Variants in DAB1 observed in about 807,000 individuals in gnomAD.
The protein encoded by DAB1 is DAB adaptor protein 1.
In DAB1, 15 loss-of-function variants were observed where a neutral mutation model predicts 64.6. The ratio of observed to expected loss-of-function variants is 0.23; its 90% CI spans 0.16 to 0.36. The LOEUF (loss-of-function observed/expected upper bound fraction) is 0.36, where lower values mean the gene tolerates loss of function less well. Ranked by LOEUF, DAB1 falls within the 10% of genes least tolerant of loss-of-function variation. DAB1 has a pLI of 1.00. For synonymous variants in DAB1, 235 were observed against 251.9 expected (o/e 0.93, Z 0.64); for missense variants, 596 against 706.7 (o/e 0.84, Z 1.78).
intron 2 of DAB1, among the ~76,000 whole-genome samples, chr1:57,165,635 C>T (rs1426648848): frequency 6.6e-6 from 1 of 152,156 alleles, no homozygotes; most frequent in Non-Finnish European, 1.5e-5. Flanking sequence ...AAAATTTCAA[C>T]TGCCCTAAGA....
At chr1:57,895,774 T>C (rs1051200305) in intron 5 of DAB1, among the ~76,000 whole-genome samples, 6 of 152,170 alleles carry the variant, frequency 3.9e-5, no homozygotes, top group African/African-American at 1.4e-4. Flanking sequence ...AGAAAGGTAC[T>C]GAGTTCCAAA....
At chr1:57,967,707 G>A (rs1320612587) in intron 5 of DAB1, among the ~76,000 whole-genome samples, 3 of 151,600 alleles carry the variant, frequency 2.0e-5, no homozygotes, top group African/African-American at 4.8e-5. Context: ...GGGGGGTTGT[G>A]AGGACGAAAC....
chr1:57,967,027 A>T (rs1355014043), intron 5 of DAB1, among the ~76,000 whole-genome samples: 1 of 152,238 alleles, frequency 6.6e-6, no homozygotes, highest in African/African-American at 2.4e-5. Flanking sequence ...AATTTTTTAA[A>T]TGAATGAAGG....
At chr1:57,659,447 C>T (rs550756438) in intron 6 of DAB1, among the ~76,000 whole-genome samples, 2 of 152,150 alleles carry the variant, frequency 1.3e-5, no homozygotes, top group African/African-American at 4.8e-5. Context: ...CCTTATAGGC[C>T]GGAACGTACC....
chr1:57,215,739 T>G (rs1355133414), intron 2 of DAB1, among the ~76,000 whole-genome samples: 1 of 152,208 alleles, frequency 6.6e-6, no homozygotes, highest in Non-Finnish European at 1.5e-5. Flanking sequence ...CCTCCCCAAC[T>G]AGACTTAGGC....
chr1:57,368,317 T>C (rs1680228999), intron 1 of DAB1, among the ~76,000 whole-genome samples: 1 of 152,148 alleles, frequency 6.6e-6, no homozygotes, highest in Non-Finnish European at 1.5e-5. Flanking sequence ...GGCAGGTCCC[T>C]GGTGAGGCCC....
chr1:57,889,519 A>AT (rs1291739349), intron 5 of DAB1, among the ~76,000 whole-genome samples: 1 of 152,210 alleles, frequency 6.6e-6, no homozygotes, highest in Non-Finnish European at 1.5e-5. Flanking sequence ...GCTAAAACAT[A>AT]TTTTTTATGA....
rs1053632589 is a variant in DAB1, at chr1:57,156,552, G to A, written c.68-11123C>T. Among the ~76,000 whole-genome samples, 10 of 152,108 alleles carry A rather than the reference G, an allele frequency of 6.6e-5. 1 individual carries two copies. The highest frequency in any genetic ancestry group is 4.6e-4 in the Admixed American group (7 of 15,264). On this transcript the variant is annotated intron_variant, in intron 2 of 14. Coordinates refer to ENST00000371236, the MANE Select transcript of DAB1 (RefSeq NM_001365792.1). ...ATTTATTTATGCTAAAGTGGGTAATGGACTCCAGGAGTCAGGACCACTTGG... is the reference window on the plus strand; with the variant it reads ...ATTTATTTATGCTAAAGTGGGTAATAGACTCCAGGAGTCAGGACCACTTGG...
chr1:57,551,370 C>A (rs567708328), intron 7 of DAB1, among the ~76,000 whole-genome samples: 6 of 152,150 alleles, frequency 3.9e-5, no homozygotes, highest in Non-Finnish European at 5.9e-5. Context: ...TGTCTTTCCA[C>A]AACTGCTGGT....
intron 1 of DAB1, among the ~76,000 whole-genome samples, chr1:57,848,669 A>G (rs2101924794): frequency 6.6e-6 from 1 of 152,322 alleles, no homozygotes; most frequent in South Asian, 2.1e-4. Flanking sequence ...AGAAGTGATC[A>G]GGAATGTCCA....
chr1:58,287,384 C>T (rs1021055700), intron 4 of DAB1, among the ~76,000 whole-genome samples: 1 of 152,094 alleles, frequency 6.6e-6, no homozygotes, highest in Non-Finnish European at 1.5e-5. Context: ...CAGTTCTATG[C>T]ATTAACTGGG....
At chr1:58,121,791 A>T (rs1044989036) in intron 5 of DAB1, among the ~76,000 whole-genome samples, 1 of 152,230 alleles carries the variant, frequency 6.6e-6, no homozygotes, top group South Asian at 2.1e-4. Context: ...TGGAATGTAC[A>T]TGCATACATA....
rs138541701 is a variant in DAB1, at chr1:58,495,363, T to C, written n.257+10697A>G. ...GCAGCACACCAACATGGCACATGTA[T>C]ATATATGTAACACACCTGCATGTTG... is the stretch of plus-strand genomic sequence containing the variant. On this transcript the variant is annotated intron_variant and non_coding_transcript_variant, in intron 3 of 20. Transcript: ENST00000485760. 2.2e-4 allele frequency among the ~76,000 whole-genome samples: 34 copies of C among 152,260 alleles called. No individual in the cohort carries two copies. The East Asian group carries it at 6.6e-3, about 29-fold the overall frequency.
intron 6 of DAB1, among the ~76,000 whole-genome samples, chr1:57,806,506 A>G (rs1319360967): frequency 6.6e-6 from 1 of 152,188 alleles, no homozygotes. Flanking sequence ...AAACCCCAGA[A>G]GCTAGGGGGA....
At chr1:57,068,261 C>T (rs745752649) in intron 8 of DAB1, among the ~76,000 whole-genome samples, 9 of 152,124 alleles carry the variant, frequency 5.9e-5, no homozygotes, top group Non-Finnish European at 8.8e-5. Context: ...TCAGGACAAA[C>T]GCAACTTTTC....
intron 1 of DAB1, among the ~76,000 whole-genome samples, chr1:57,377,660 G>T (rs1681018258): frequency 6.6e-6 from 1 of 152,136 alleles, no homozygotes; most frequent in African/African-American, 2.4e-5. Context: ...AAAATGTAAG[G>T]CATTATAATT....
At chr1:57,486,219 G>C (rs1340083945) in intron 7 of DAB1, among the ~76,000 whole-genome samples, 1 of 152,166 alleles carries the variant, frequency 6.6e-6, no homozygotes, top group East Asian at 1.9e-4. Context: ...AACACTCAGG[G>C]GCTCTGGGAC....
chr1:57,427,252 A>T (rs7523104), upstream of DAB1, among the ~76,000 whole-genome samples: 35,744 of 152,162 alleles, frequency 0.23, 4,886 homozygotes, highest in African/African-American at 0.39. Flanking sequence ...TAGTTCATTT[A>T]AATTTGACAG....
intron 7 of DAB1, among the ~76,000 whole-genome samples, chr1:57,557,748 G>A (rs1319500857): frequency 6.6e-6 from 1 of 152,128 alleles, no homozygotes; most frequent in Admixed American, 6.6e-5. Context: ...TTGGTGAGGG[G>A]CAAGGAGTTT....
Sources: gnomAD v4.1 joint callset for allele counts (sites outside exome capture counted in the v4.1 genomes callset) on GRCh38, gnomAD v4.1.1 for gene constraint, MANE v1.5 for transcripts, NCBI Gene and HGNC (gene_info 2026-07-23, HGNC 2026-07-21) for gene names.